ZNF385D: variants seen among roughly 807,000 people sequenced by gnomAD.
ZNF385D encodes zinc finger protein 385D.
A neutral mutation model predicts 35.8 loss-of-function variants in ZNF385D; 15 were observed. The observed-to-expected ratio is 0.42, with a 90% CI of 0.28 to 0.64. ZNF385D has a LOEUF of 0.64. ZNF385D is among the 30% of genes least tolerant of loss of function. The probability of loss-of-function intolerance (pLI) is 0.23; values close to 1 mark genes in which losing one functional copy is unlikely to be tolerated. For missense variants in ZNF385D, 474 were observed against 494.6 expected (o/e 0.96, Z 0.39); for synonymous variants, 212 against 186.8 (o/e 1.13, Z -1.10).
chr3:21,972,851 C>T (rs1473342483), intron 3 of ZNF385D, among the ~76,000 whole-genome samples: 1 of 151,870 alleles, frequency 6.6e-6, no homozygotes, highest in South Asian at 2.1e-4. Context: ...GACACACAAT[C>T]TACTAAGATT....
chr3:21,681,219 A>G lies in ZNF385D; in HGVS notation c.23-16191T>C, dbSNP rs555271369. ...TGATAACGTAGGAATATGGTAAGGT[A>G]AACCTTCTGACAAAAAAAATTATTT... is the stretch of plus-strand genomic sequence containing the variant. On this transcript the variant is annotated intron_variant, in intron 1 of 7. Coordinates refer to ENST00000281523, the MANE Select transcript of ZNF385D (RefSeq NM_024697.3). Among the ~76,000 whole-genome samples, 114 of 148,866 alleles carry G rather than the reference A, an allele frequency of 7.7e-4. 2 individuals carry two copies. The South Asian group carries it at 9.6e-3, about 13-fold the overall frequency.
chr3:22,068,644 G>A (rs1171272872), intron 3 of ZNF385D, among the ~76,000 whole-genome samples: 1 of 152,036 alleles, frequency 6.6e-6, no homozygotes, highest in Non-Finnish European at 1.5e-5. Flanking sequence ...TCTTTCTTTG[G>A]CTCTTCTTTT....
chr3:22,313,480 A>G (rs1703702845), intron 2 of ZNF385D, among the ~76,000 whole-genome samples: 1 of 152,142 alleles, frequency 6.6e-6, no homozygotes, highest in African/African-American at 2.4e-5. Context: ...ATTATGAATA[A>G]ATTTCTATTC....
intron 3 of ZNF385D, among the ~76,000 whole-genome samples, chr3:22,102,270 C>T (rs539954233): frequency 1.3e-5 from 2 of 152,126 alleles, no homozygotes; most frequent in Admixed American, 6.6e-5. Flanking sequence ...AAGTATTTTA[C>T]ACTCATGATT....
chr3:21,899,314 T>C (rs988172418), intron 3 of ZNF385D, among the ~76,000 whole-genome samples: 1 of 152,128 alleles, frequency 6.6e-6, no homozygotes, highest in African/African-American at 2.4e-5. Context: ...CCTTTTGATA[T>C]ATAAATAAAA....
At chr3:22,066,779 G>A (rs1699985228) in intron 3 of ZNF385D, among the ~76,000 whole-genome samples, 1 of 152,142 alleles carries the variant, frequency 6.6e-6, no homozygotes, top group Non-Finnish European at 1.5e-5. Context: ...GGTTGTTCAT[G>A]ACCTGAGATG....
intron 2 of ZNF385D, among the ~76,000 whole-genome samples, chr3:21,662,232 G>A (rs1483204082): frequency 1.3e-5 from 2 of 152,148 alleles, no homozygotes; most frequent in African/African-American, 2.4e-5. Context: ...GCGTGGCACA[G>A]AAAAAGCTGA....
intron 3 of ZNF385D, among the ~76,000 whole-genome samples, chr3:22,131,611 G>C (rs368667983): frequency 1.1e-3 from 173 of 152,252 alleles, no homozygotes; most frequent in Admixed American, 4.9e-3. Context: ...ACAGAGCAAA[G>C]GTATAAGTGG....
chr3:21,623,409 G>A (rs900181764), intron 2 of ZNF385D, among the ~76,000 whole-genome samples: 5 of 152,036 alleles, frequency 3.3e-5, no homozygotes, highest in Admixed American at 1.3e-4. Context: ...TTGGGAGGCC[G>A]AGGTGGAAGC....
chr3:21,921,004 A>T (rs868159468), intron 3 of ZNF385D, among the ~76,000 whole-genome samples: 57 of 151,924 alleles, frequency 3.8e-4, no homozygotes, highest in Non-Finnish European at 6.8e-4. Context: ...TCATGAGGTC[A>T]GGAGATGGAG....
At chr3:22,360,096 G>A (rs1411851541) in intron 2 of ZNF385D, among the ~76,000 whole-genome samples, 2 of 151,828 alleles carry the variant, frequency 1.3e-5, no homozygotes, top group Non-Finnish European at 2.9e-5. Flanking sequence ...CTCCTCTTTG[G>A]TAATGGTTGT....
At chr3:21,436,780 G>T in intron 5 of ZNF385D, 190 bp downstream of exon 5, 1 of 600,498 alleles carries the variant, frequency 1.7e-6, no homozygotes, top group Non-Finnish European at 2.9e-6. Context: ...TTCGAGCCCT[G>T]GAAACCACCC....
chr3:21,648,628 G>C (rs149417665), intron 2 of ZNF385D, among the ~76,000 whole-genome samples: 4 of 152,224 alleles, frequency 2.6e-5, no homozygotes, highest in Non-Finnish European at 5.9e-5. Flanking sequence ...ATCTCTGTAT[G>C]ATTCTATAAG....
chr3:21,932,686 T>C (rs961059536), intron 3 of ZNF385D, among the ~76,000 whole-genome samples: 3 of 151,912 alleles, frequency 2.0e-5, no homozygotes, highest in Non-Finnish European at 4.4e-5. Flanking sequence ...TAGTAAGCCA[T>C]CTCACTTTAC....
Position 22,076,569 on chromosome 3 carries a change from C to T in ZNF385D, c.325+92248G>A, listed in dbSNP as rs540703615. 3.3e-5 allele frequency among the ~76,000 whole-genome samples: 5 copies of T among 152,002 alleles called. No homozygotes were observed. In the South Asian group the frequency reaches 8.3e-4, roughly 25 times the overall value. On this transcript the variant is annotated intron_variant, in intron 3 of 5. Coordinates refer to the ZNF385D transcript ENST00000494108. ...ACTATATAATCACAAACTACAATTA[C>T]GTATCTATTTGTAATTGTTTATGTT...
chr3:21,538,503 A>G (rs2062092248), intron 3 of ZNF385D, among the ~76,000 whole-genome samples: 1 of 152,144 alleles, frequency 6.6e-6, no homozygotes, highest in Non-Finnish European at 1.5e-5. Context: ...GGTTCTGTAC[A>G]TAAAATAACT....
intron 2 of ZNF385D, among the ~76,000 whole-genome samples, chr3:21,630,784 T>A (rs904080554): frequency 6.6e-6 from 1 of 152,136 alleles, no homozygotes; most frequent in African/African-American, 2.4e-5. Flanking sequence ...ATCACTAATA[T>A]CTATTGAGCA....
intron 3 of ZNF385D, among the ~76,000 whole-genome samples, chr3:21,864,139 G>T (rs1679227): frequency 2.0e-5 from 3 of 151,966 alleles, no homozygotes; most frequent in Admixed American, 6.6e-5. Flanking sequence ...CATACACAAA[G>T]GGTTCATTTT....
rs571978176 is a variant in ZNF385D, at chr3:22,164,216, C to CTTTTTTTTTTTTT, written c.325+4588_325+4600dup. Among the ~76,000 whole-genome samples, 73 of 74,946 alleles carry CTTTTTTTTTTTTT rather than the reference C, an allele frequency of 9.7e-4. 8 individuals carry two copies. The highest frequency in any genetic ancestry group is 2.3e-3 in the East Asian group (4 of 1,738). 49.2% of individuals were successfully genotyped at this position (74,946 alleles called of 152,430 possible). A position where few individuals can be genotyped will look rare whatever the true frequency, so the allele number is the denominator to read the frequency against. ...CACTATAGGTAATACAAAAGGAGCA[C>CTTTTTTTTTTTTT]TTTTTTTTTTTTTTTTTTTTTTTTT... On this transcript the variant is annotated intron_variant, in intron 3 of 5. Transcript: ENST00000494108.
Sources: allele counts gnomAD v4.1 joint callset (sites outside exome capture counted in the v4.1 genomes callset), GRCh38; gene constraint gnomAD v4.1.1; transcripts MANE v1.5; gene names NCBI Gene and HGNC (gene_info 2026-07-23, HGNC 2026-07-21).